The following SLCO4A1 variants were observed in gnomAD, a reference collection of about 807,000 sequenced individuals.
SLCO4A1 encodes the protein colon organic anion transporter.
In SLCO4A1, 51 loss-of-function variants were observed where a neutral mutation model predicts 64.6. The ratio of observed to expected loss-of-function variants is 0.79; its 90% CI spans 0.63 to 1.00. The LOEUF is 1.00. Among genes scored for constraint, SLCO4A1 ranks in the 50% least tolerant of loss-of-function variants. The pLI is 0.00. For synonymous variants in SLCO4A1, 471 were observed against 444.9 expected (o/e 1.06, Z -0.74); for missense variants, 919 against 980.5 (o/e 0.94, Z 0.84).
At chr20:62,667,710 C>G in intron 7 of SLCO4A1, 35 bp from the exon 8 acceptor site, 1 of 1,588,842 alleles carries the variant, frequency 6.3e-7, no homozygotes, top group East Asian at 2.2e-5. Flanking sequence ...TGGCTCTGGC[C>G]TGGACCCTAC....
Position 62,661,108 on chromosome 20 carries a change from T to C in SLCO4A1, c.1054T>C (p.Leu352=). The change falls in exon 5 of 12, where the codon TTG becomes CTG. Residue 352 remains leucine (L), a synonymous_variant. Transcript: ENST00000217159. This position sits in a 1 kb window ranked among gnomAD's most constrained non-coding sequence, Gnocchi z 5.2. ...CATGAGAGCGGCGGAAATGCACCAG[T>C]TGAAGGACAGCAGCCGTGGGGAGGC... The part of the protein sequence containing the change: ...AVMRAAEMHQ[L]KDSSRGEASN... 6.3e-7 allele frequency: 1 copy of C among 1,591,338 alleles called. No homozygotes were observed. Among genetic ancestry groups the C allele is most frequent in the Non-Finnish European group, 8.6e-7 (1 of 1,166,872 alleles).
rs1555917161 is a variant in SLCO4A1, at chr20:62,668,366, G to GGA, written c.1812-110_1812-109insAG. The GGA allele has an allele frequency of 7.6e-6, 10 of 1,308,026 alleles. No homozygotes were observed. In the African/African-American group the frequency reaches 1.5e-4, roughly 19 times the overall value. 81.0% of individuals were successfully genotyped at this position (1,308,026 alleles called of 1,614,324 possible). On this transcript the variant is annotated intron_variant, in intron 9 of 11. Transcript: ENST00000217159. The stretch of plus-strand genomic sequence containing the variant: ...CTCTGACGAGGGGCTTCCCACTTGG[G>GGA]GGGGGGTGATGATGTGGCTGGGGAC...
chr20:62,642,739 G>T (rs1384516561), intron 1 of SLCO4A1, among the ~76,000 whole-genome samples, 186 bp downstream of exon 1: 1 of 152,140 alleles, frequency 6.6e-6, no homozygotes, highest in Non-Finnish European at 1.5e-5. Context: ...GGACCGAGCG[G>T]AATCGGAGGC....
At chr20:62,690,694 G>T (rs968624016), downstream of SLCO4A1, among the ~76,000 whole-genome samples, 2 of 152,238 alleles carry the variant, frequency 1.3e-5, no homozygotes, top group Non-Finnish European at 2.9e-5. Flanking sequence ...CCTATTCCAG[G>T]CAGAGAACCG....
In SLCO4A1 at chr20:62,667,851, T is replaced by C; in HGVS notation, c.1579T>C (p.Phe527Leu). Residue 527 changes from phenylalanine to leucine, a missense_variant, in exon 8 of 12, where the codon TTC becomes CTC. Coordinates refer to ENST00000217159, the MANE Select transcript of SLCO4A1 (RefSeq NM_016354.4). ...PVCGSDGLMY[F>L]SLCHAGCPAA... ...GTGCGGCTCGGACGGCCTCATGTAC[T>C]TCTCACTGTGCCACGCAGGGTGCCC... is the stretch of plus-strand genomic sequence containing the variant. 1.2e-6 allele frequency: 2 copies of C among 1,613,676 alleles called. No homozygotes were observed. The highest frequency in any genetic ancestry group is 1.7e-6 in the Non-Finnish European group (2 of 1,180,024).
chr20:62,680,520 GC>G (rs1293885643), intron 2 of SLCO4A1, among the ~76,000 whole-genome samples: 1 of 151,500 alleles, frequency 6.6e-6, no homozygotes, highest in Non-Finnish European at 1.5e-5. Context: ...TTTAATAGAA[GC>G]CCTTTATCTG....
chr20:62,644,304 C>T lies in SLCO4A1; in HGVS notation c.-97+1751C>T, dbSNP rs1980935419. ...CCTCAGCAGGCTGTGTCCTGCCTTC[C>T]TGCTGGGCAAGGTCAGCAGGTGGTG... On this transcript the variant is annotated intron_variant, in intron 1 of 11. Coordinates refer to ENST00000217159, the MANE Select transcript of SLCO4A1 (RefSeq NM_016354.4). This position sits in a 1 kb window ranked among gnomAD's most constrained non-coding sequence, Gnocchi z 5.4. Among the ~76,000 whole-genome samples the T allele has an allele frequency of 6.6e-6, 1 of 152,246 alleles. No individual in the cohort carries two copies. The highest frequency in any genetic ancestry group is 1.5e-5 in the Non-Finnish European group (1 of 68,030).
At chr20:62,662,377 C>T (rs143399318) in intron 5 of SLCO4A1, among the ~76,000 whole-genome samples, 87 of 152,200 alleles carry the variant, frequency 5.7e-4, no homozygotes, top group African/African-American at 2.0e-3. Context: ...AGCAGCAGAG[C>T]GGCTTAGAGC....
chr20:62,668,818 A>G (rs1002842551), intron 10 of SLCO4A1, 112 bp from the exon 11 acceptor site: 56 of 1,151,270 alleles, frequency 4.9e-5, no homozygotes, highest in African/African-American at 7.8e-5. Context: ...GAGAACTCCA[A>G]CGGCCAGTAT....
At chr20:62,684,899 A>G (rs575241505) in intron 2 of SLCO4A1, among the ~76,000 whole-genome samples, 1 of 152,228 alleles carries the variant, frequency 6.6e-6, no homozygotes, top group East Asian at 1.9e-4. Context: ...ACCCGACCAC[A>G]CCAGCTGGGC....
At chr20:62,666,606 CG>C (rs780730241) in intron 7 of SLCO4A1, 31 bp downstream of exon 7, 1 of 1,598,624 alleles carries the variant, frequency 6.3e-7, no homozygotes, top group East Asian at 2.2e-5. Flanking sequence ...GGGTACGCGT[CG>C]GGGCCCCAAG....
At position 62,644,156 on chromosome 20, in the gene SLCO4A1, G is replaced by A. The variant is rs1465153740; in HGVS notation, c.-97+1603G>A. Among the ~76,000 whole-genome samples, 1 of 152,248 alleles carries A rather than the reference G, an allele frequency of 6.6e-6. No individual in the cohort carries two copies. The highest frequency in any genetic ancestry group is 1.5e-5 in the Non-Finnish European group (1 of 68,046). ...TGTCAGTGATCGCAGGACACCAGTA[G>A]GATGTTGCTCGGGCCGAGACCACAC... On this transcript the variant is annotated intron_variant, in intron 1 of 11. Coordinates refer to ENST00000217159, the MANE Select transcript of SLCO4A1 (RefSeq NM_016354.4). This position sits in a 1 kb window ranked among gnomAD's most constrained non-coding sequence, Gnocchi z 5.4.
chr20:62,656,844 C>T lies in SLCO4A1; in HGVS notation c.390C>T (p.Ser130=), dbSNP rs1388160183. The T allele has an allele frequency of 6.2e-7, 1 of 1,609,420 alleles. No individual in the cohort carries two copies. ...VNGFINTVIT[S]LERRYDLHSY... ...GCTTCATCAACACAGTCATCACCTC[C>T]CTGGAGCGCCGCTATGACCTGCACA... Residue 130 remains serine, a synonymous_variant, in exon 2 of 12, where the codon TCC becomes TCT. Transcript: ENST00000217159.
intron 2 of SLCO4A1, among the ~76,000 whole-genome samples, chr20:62,678,848 A>C (rs1399415149): frequency 2.0e-5 from 3 of 152,248 alleles, no homozygotes; most frequent in Non-Finnish European, 4.4e-5. Context: ...AACAGCTTCC[A>C]AAAGGCAAAG....
At chr20:62,660,264 G>A (rs997594044) in intron 3 of SLCO4A1, 148 bp from the exon 4 acceptor site, 18 of 856,508 alleles carry the variant, frequency 2.1e-5, no homozygotes, top group Admixed American at 1.2e-4. Context: ...AGGACCTGTG[G>A]CCAGCAGCAC....
chr20:62,646,907 T>C (rs1438201838), intron 1 of SLCO4A1, among the ~76,000 whole-genome samples: 3 of 152,220 alleles, frequency 2.0e-5, no homozygotes, highest in East Asian at 1.9e-4. Context: ...TCACCCGTCC[T>C]CCCCACGCTC....
At position 62,661,712 on chromosome 20, in the gene SLCO4A1, G is replaced by A. The variant is rs548934855; in HGVS notation, c.1121+537G>A. Among the ~76,000 whole-genome samples the A allele has an allele frequency of 2.6e-3, 394 of 149,900 alleles. 2 individuals are homozygous for A. Among genetic ancestry groups the A allele is most frequent in the Non-Finnish European group, 4.7e-3 (318 of 67,558 alleles). On this transcript the variant is annotated intron_variant, in intron 5 of 11. Coordinates refer to ENST00000217159, the MANE Select transcript of SLCO4A1 (RefSeq NM_016354.4). The surrounding 1 kb of genome is among the most constrained non-coding windows in gnomAD (Gnocchi z 5.2). ...CTCTGAGGACCTCCCCCCTCTACCC[G>A]GCGTGTCCCGCTCACCCTCTGGGGA... is the stretch of plus-strand genomic sequence containing the variant.
downstream of SLCO4A1, among the ~76,000 whole-genome samples, chr20:62,676,264 C>G (rs181474939): frequency 2.0e-5 from 3 of 152,004 alleles, no homozygotes; most frequent in African/African-American, 7.2e-5. Flanking sequence ...AAAAAAAATA[C>G]AAAACATTAG....
At chr20:62,647,305 C>T (rs1302009763) in intron 1 of SLCO4A1, among the ~76,000 whole-genome samples, 2 of 152,034 alleles carry the variant, frequency 1.3e-5, no homozygotes, top group African/African-American at 2.4e-5. Context: ...GGCAGGTGCT[C>T]AGGGCGGGGC....
Sources: gnomAD v4.1 joint callset for allele counts (sites outside exome capture counted in the v4.1 genomes callset) on GRCh38, gnomAD v4.1.1 for gene constraint, Gnocchi (gnomAD v3.1) non-coding constraint, MANE v1.5 for transcripts, NCBI Gene and HGNC (gene_info 2026-07-23, HGNC 2026-07-21) for gene names.